Variants in C1QB observed in about 807,000 individuals in gnomAD.
C1QB encodes the protein complement C1q B chain.
Under a neutral mutation model 4.6 loss-of-function variants are expected in C1QB, and 2 were observed. The ratio of observed to expected loss-of-function variants is 0.43; its 90% CI spans 0.18 to 1.36. The LOEUF is 1.36. C1QB is among the 40% of genes most tolerant of loss of function. The probability of loss-of-function intolerance (pLI) is 0.28; values close to 1 mark genes in which losing one functional copy is unlikely to be tolerated. For synonymous variants in C1QB, 132 were observed against 137.1 expected, an observed-to-expected ratio of 0.96 and a Z score of 0.26; for missense variants, 292 against 338.0, an observed-to-expected ratio of 0.86 and a Z score of 1.07.
At chr1:22,655,612 C>T (rs944418705) in intron 1 of C1QB, among the ~76,000 whole-genome samples, 5 of 152,164 alleles carry the variant, frequency 3.3e-5, no homozygotes, top group Admixed American at 6.5e-5. Flanking sequence ...TTCTAAGTTC[C>T]GATCCTCAGT....
At chr1:22,659,749 T>C in intron 2 of C1QB, 106 bp downstream of exon 2, 1 of 1,336,882 alleles carries the variant, frequency 7.5e-7, no homozygotes, top group Non-Finnish European at 1.0e-6. Context: ...CACTGGCAAA[T>C]CCAGCAGCTT....
At chr1:22,653,939 T>G (rs1034897918) in intron 1 of C1QB, 8 of 152,408 alleles carry the variant, frequency 5.2e-5, no homozygotes, top group Admixed American at 4.6e-4. Context: ...GGGAGTGGGA[T>G]GTGGCACTGC....
At chr1:22,657,239 C>T (rs1163514300) in intron 1 of C1QB, among the ~76,000 whole-genome samples, 2 of 152,112 alleles carry the variant, frequency 1.3e-5, no homozygotes, top group East Asian at 1.9e-4. Flanking sequence ...CCTGAAGCTA[C>T]CTAGGGGCTG....
chr1:22,657,494 T>TCA (rs905648894), intron 1 of C1QB, among the ~76,000 whole-genome samples: 4 of 152,060 alleles, frequency 2.6e-5, no homozygotes, highest in African/African-American at 9.7e-5. Flanking sequence ...ACACAAAAGG[T>TCA]CACACGTTGT....
In C1QB at chr1:22,661,532, A is replaced by G; in HGVS notation, c.*146A>G. 1.1e-6 allele frequency: 1 copy of G among 914,774 alleles called. No individual in the cohort carries two copies. The highest frequency in any genetic ancestry group is 1.7e-6 in the Non-Finnish European group (1 of 584,802). 56.7% of individuals were successfully genotyped at this position (914,774 alleles called of 1,614,324 possible). On this transcript the variant is annotated 3_prime_UTR_variant, in exon 3 of 3. Coordinates refer to ENST00000509305, the MANE Select transcript of C1QB (RefSeq NM_001378156.1). ...TGAGTAAATAAACTCTTCAAGGCCA[A>G]GGGACAGTGGTCTAATTCAACTCTG...
chr1:22,657,187 AC>A (rs1642543268), intron 1 of C1QB, among the ~76,000 whole-genome samples: 1 of 152,078 alleles, frequency 6.6e-6, no homozygotes, highest in South Asian at 2.1e-4. Context: ...CTGAGAGTAG[AC>A]CCTCTAAGCC....
At chr1:22,657,766 A>C (rs564661966) in intron 1 of C1QB, among the ~76,000 whole-genome samples, 1 of 152,342 alleles carries the variant, frequency 6.6e-6, no homozygotes, top group African/African-American at 2.4e-5. Context: ...AGTTAAAAAT[A>C]TATAGGCTGA....
Position 22,659,556 on chromosome 1 carries a change from C to A in C1QB, c.94C>A (p.Pro32Thr). Residue 32 changes from proline (P) to threonine (T), a missense_variant, in exon 2 of 3, where the codon CCC becomes ACC. Physicochemically the swap from Pro to Thr is conservative, Grantham distance 38. Coordinates refer to ENST00000509305, the MANE Select transcript of C1QB (RefSeq NM_001378156.1). ...CCAGGCCCAGCTCAGCTGCACCGGG[C>A]CCCCAGCCATCCCTGGCATCCCGGG... ...ISQAQLSCTG[P>T]PAIPGIPGIP... The A allele has an allele frequency of 1.2e-6, 2 of 1,614,010 alleles. No homozygotes were observed. Among genetic ancestry groups the A allele is most frequent in the Non-Finnish European group, 8.5e-7 (1 of 1,179,960 alleles).
At chr1:22,659,408 G>A (rs566821455) in intron 1 of C1QB, 32 bp from the exon 2 acceptor site, 41 of 1,594,914 alleles carry the variant, frequency 2.6e-5, no homozygotes, top group African/African-American at 2.6e-4. Flanking sequence ...GGATCACCAC[G>A]GTGGTAACCT....
In C1QB at chr1:22,661,184, G is replaced by T; in HGVS notation, c.554G>T (p.Gly185Val). 6.2e-7 allele frequency: 1 copy of T among 1,614,106 alleles called. No individual in the cohort carries two copies. Among genetic ancestry groups the T allele is most frequent in the Non-Finnish European group, 8.5e-7 (1 of 1,180,024 alleles). The change falls in exon 3 of 3, where the codon GGC becomes GTC. Residue 185 changes from glycine (G) to valine (V), a missense_variant. Physicochemically the swap from Gly to Val is moderately radical, Grantham distance 109. Transcript: ENST00000509305. ...RGNLCVNLMR[G>V]RERAQKVVTF... The stretch of plus-strand genomic sequence containing the variant: ...AACCTGTGCGTGAACCTCATGCGTG[G>T]CCGGGAGCGTGCACAGAAGGTGGTC...
chr1:22,656,158 C>A (rs905461686), intron 1 of C1QB, among the ~76,000 whole-genome samples: 1 of 152,102 alleles, frequency 6.6e-6, no homozygotes, highest in Non-Finnish European at 1.5e-5. Context: ...AGGCACCACA[C>A]GGGGGACCTT....
At chr1:22,659,381 T>C (rs1570097378) in intron 1 of C1QB, 59 bp from the exon 2 acceptor site, 1 of 1,439,360 alleles carries the variant, frequency 6.9e-7, no homozygotes, top group East Asian at 2.3e-5. Flanking sequence ...GATGGATGGA[T>C]GGATGGATGG....
Position 22,660,929 on chromosome 1 carries a change from G to T in C1QB, c.299G>T (p.Gly100Val). The change falls in exon 3 of 3, where the codon GGG becomes GTG. Residue 100 changes from glycine to valine, a missense_variant. Gly to Val is a moderately radical substitution (Grantham distance 109). Coordinates refer to ENST00000509305, the MANE Select transcript of C1QB (RefSeq NM_001378156.1). ...CCCATGGGCCCTAAAGGTGGCCCAG[G>T]GGCCCCTGGAGCCCCAGGCCCCAAA... Reference protein sequence around the residue: ...KGPMGPKGGPGAPGAPGPKGE... With the variant: ...KGPMGPKGGPVAPGAPGPKGE... 1 of 1,613,600 alleles carries T rather than the reference G, an allele frequency of 6.2e-7. No homozygotes were observed.
At chr1:22,656,971 G>T (rs294189) in intron 1 of C1QB, among the ~76,000 whole-genome samples, 20,872 of 152,104 alleles carry the variant, frequency 0.14, 2,572 homozygotes, top group African/African-American at 0.33. Flanking sequence ...TGAGGGAAGA[G>T]GCGTGCCACT....
At chr1:22,659,741 C>G in intron 2 of C1QB, 98 bp downstream of exon 2, 1 of 1,391,658 alleles carries the variant, frequency 7.2e-7, no homozygotes, top group Non-Finnish European at 1.0e-6. Context: ...TGCAAAAGCA[C>G]TGGCAAATCC....
At chr1:22,656,211 T>G (rs1416104561) in intron 1 of C1QB, among the ~76,000 whole-genome samples, 1 of 151,962 alleles carries the variant, frequency 6.6e-6, no homozygotes, top group Non-Finnish European at 1.5e-5. Flanking sequence ...GGCTGAAGGG[T>G]CCTCAGGAAC....
intron 1 of C1QB, among the ~76,000 whole-genome samples, chr1:22,658,203 CTT>C (rs559684236): frequency 5.6e-4 from 85 of 152,342 alleles, no homozygotes; most frequent in African/African-American, 2.0e-3. Context: ...CCTCTCCACT[CTT>C]GCTTCCTGTC....
At chr1:22,656,070 A>C (rs1224707765) in intron 1 of C1QB, among the ~76,000 whole-genome samples, 1 of 152,176 alleles carries the variant, frequency 6.6e-6, no homozygotes, top group Non-Finnish European at 1.5e-5. Context: ...CAAGGAAATA[A>C]TGTGATGTGC....
rs757946445 is a variant in C1QB, at chr1:22,660,963, G to A, written c.333G>A (p.Ser111=). Residue 111 remains serine, a synonymous_variant, in exon 3 of 3, where the codon TCG becomes TCA. Transcript: ENST00000509305. ...APGAPGPKGE[S]GDYKATQKIA... is the part of the protein sequence containing the mutation. Reference sequence around the variant, plus strand: ...GAGCCCCAGGCCCCAAAGGTGAATCGGGAGACTACAAGGCCACCCAGAAAA... The same window carrying A: ...GAGCCCCAGGCCCCAAAGGTGAATCAGGAGACTACAAGGCCACCCAGAAAA... 1.9e-5 allele frequency: 30 copies of A among 1,613,782 alleles called. No homozygotes were observed. In the East Asian group the frequency reaches 2.2e-4, roughly 12 times the overall value.
Sources: gnomAD v4.1 joint callset for allele counts (sites outside exome capture counted in the v4.1 genomes callset) on GRCh38, gnomAD v4.1.1 for gene constraint, MANE v1.5 for transcripts, NCBI Gene and HGNC (gene_info 2026-07-23, HGNC 2026-07-21) for gene names.